Variants in SMARCA4 observed in about 807,000 individuals in gnomAD.
SMARCA4 encodes SWI/SNF related BAF chromatin remodeling complex subunit ATPase 4.
SMARCA4 carries 31 observed loss-of-function variants against 193.9 expected under a neutral mutation model. The ratio of observed to expected loss-of-function variants is 0.16; its 90% CI spans 0.12 to 0.22. The LOEUF (loss-of-function observed/expected upper bound fraction) is 0.22, where lower values mean the gene tolerates loss of function less well. Ranked by LOEUF, SMARCA4 falls within the 10% of genes least tolerant of loss-of-function variation. The pLI is 1.00. For missense variants in SMARCA4, 1,148 were observed against 2,296.0 expected (o/e 0.50, Z 10.22); for synonymous variants, 942 against 933.1 (o/e 1.01, Z -0.17).
chr19:11,010,589 A>G, intron 15 of SMARCA4, 58 bp downstream of exon 15: 2 of 1,568,656 alleles, frequency 1.3e-6, no homozygotes, highest in East Asian at 2.2e-5. Context: ...AGGTGTTCCC[A>G]GGTGGTGCGG....
At chr19:11,056,485 G>T (rs1013181590) in intron 30 of SMARCA4, 3 of 152,280 alleles carry the variant, frequency 2.0e-5, no homozygotes, top group Non-Finnish European at 2.9e-5. Context: ...GTTGGGGAAG[G>T]ACACTCCTGG....
intron 14 of SMARCA4, among the ~76,000 whole-genome samples, chr19:11,010,032 G>A (rs544668235): frequency 2.6e-5 from 4 of 152,064 alleles, no homozygotes; most frequent in Admixed American, 2.6e-4. Context: ...CACCATGTTG[G>A]CCAGGCTGGT....
chr19:11,022,110 C>G, intron 19 of SMARCA4, 143 bp downstream of exon 19: 2 of 1,307,896 alleles, frequency 1.5e-6, no homozygotes, highest in Non-Finnish European at 2.2e-6. Flanking sequence ...AGCAGGGGAG[C>G]CCTGGAACCC....
At chr19:11,013,138 C>G in intron 16 of SMARCA4, 26 bp downstream of exon 16, 2 of 1,612,340 alleles carry the variant, frequency 1.2e-6, no homozygotes, top group Non-Finnish European at 1.7e-6. Flanking sequence ...CAGCAACATC[C>G]CACACGCCGC....
At chr19:11,042,076 C>G (rs189828033) in intron 30 of SMARCA4, among the ~76,000 whole-genome samples, 1 of 152,322 alleles carries the variant, frequency 6.6e-6, no homozygotes, top group African/African-American at 2.4e-5. Context: ...CCTGTGCCAT[C>G]TCTGTGTTGG....
intron 23 of SMARCA4, among the ~76,000 whole-genome samples, chr19:11,027,577 C>G (rs1280799172): frequency 6.6e-6 from 1 of 152,212 alleles, no homozygotes; most frequent in Non-Finnish European, 1.5e-5. Context: ...TGATACGCCT[C>G]CCCAGCGAGG....
rs1487948112 is a variant in SMARCA4, at chr19:11,013,043, T to C, written c.2369T>C (p.Ile790Thr). The change falls in exon 16 of 35, where the codon ATC (isoleucine) becomes ACC (threonine). Residue 790 changes from isoleucine (I) to threonine (T), a missense_variant. Coordinates refer to ENST00000344626, the MANE Select transcript of SMARCA4 (RefSeq NM_003072.5). ...GGCCTGGGGAAGACCATCCAGACCA[T>C]CGCGCTCATCACGTACCTCATGGAG... ...EMGLGKTIQT[I>T]ALITYLMEHK... The C allele has an allele frequency of 6.2e-7, 1 of 1,614,138 alleles. No homozygotes were observed. The highest frequency in any genetic ancestry group is 1.7e-5 in the Admixed American group (1 of 60,020).
rs2145848371 is a variant in SMARCA4, at chr19:10,989,375, G to C, written c.1177G>C (p.Ala393Pro). The change falls in exon 7 of 35, where the codon GCC becomes CCC. Residue 393 changes from alanine (A) to proline (P), a missense_variant. Physicochemically the swap from Ala to Pro is conservative, Grantham distance 27 (BLOSUM62 -1). Coordinates refer to ENST00000344626, the MANE Select transcript of SMARCA4 (RefSeq NM_003072.5). ...ACTTGAAAACCTTCCCGGGTCCCTG[G>C]CCGGGGATTTGCGAACCAAAGCGAC... ...QELENLPGSL[A>P]GDLRTKATIE... 1 of 1,614,164 alleles carries C rather than the reference G, an allele frequency of 6.2e-7. No homozygotes were observed.
intron 11 of SMARCA4, 93 bp from the exon 12 acceptor site, chr19:11,002,936 A>G (rs113260037): frequency 1.4e-6 from 2 of 1,445,426 alleles, no homozygotes; most frequent in South Asian, 1.2e-5. Flanking sequence ...TTTCTGTGCA[A>G]ACAGTTGAGT....
intron 20 of SMARCA4, among the ~76,000 whole-genome samples, 193 bp from the exon 21 acceptor site, chr19:11,024,138 C>T (rs1054228364): frequency 1.1e-4 from 17 of 152,210 alleles, no homozygotes; most frequent in Non-Finnish European, 1.8e-4. Flanking sequence ...TCTGGTATCT[C>T]TGCCTGGTGC....
chr19:11,055,926 C>T (rs974058182), intron 30 of SMARCA4, among the ~76,000 whole-genome samples: 1 of 151,780 alleles, frequency 6.6e-6, no homozygotes, highest in African/African-American at 2.4e-5. Context: ...GCAAAGCGCG[C>T]TGCTTTTCAT....
intron 8 of SMARCA4, among the ~76,000 whole-genome samples, chr19:10,993,308 C>G (rs558809371): frequency 6.6e-6 from 1 of 152,300 alleles, no homozygotes; most frequent in South Asian, 2.1e-4. Context: ...TTTTAAGTAT[C>G]ATGGAAACAT....
intron 1 of SMARCA4, among the ~76,000 whole-genome samples, chr19:10,978,856 C>T (rs910034692): frequency 6.6e-5 from 10 of 151,800 alleles, no homozygotes; most frequent in Admixed American, 5.3e-4. Context: ...AGCTGAGGCA[C>T]GATAATCGCT....
intron 11 of SMARCA4, among the ~76,000 whole-genome samples, chr19:11,000,249 A>T (rs1310087309): frequency 1.3e-5 from 2 of 148,762 alleles, no homozygotes; most frequent in African/African-American, 5.0e-5. Flanking sequence ...AAAAGAAGTT[A>T]CTTTGGACCA....
Position 11,003,022 on chromosome 19 carries a change from T to C in SMARCA4, c.1813-7T>C, listed in dbSNP as rs1308078800. The C allele has an allele frequency of 1.7e-5, 27 of 1,613,896 alleles. No homozygotes were observed. The highest frequency in any genetic ancestry group is 2.7e-5 in the African/African-American group (2 of 74,918). On this transcript the variant is annotated splice_region_variant and splice_polypyrimidine_tract_variant and intron_variant, in intron 11 of 34. Coordinates refer to ENST00000344626, the MANE Select transcript of SMARCA4 (RefSeq NM_003072.5). Reference sequence around the variant, plus strand: ...ACCTCAGTGTCACACGAATGACTCTTTTTCAGCCTCTGGACGAGACCAGCC... The same window carrying C: ...ACCTCAGTGTCACACGAATGACTCTCTTTCAGCCTCTGGACGAGACCAGCC...
Position 11,041,384 on chromosome 19 carries a change from C to T in SMARCA4, c.4248C>T (p.Asp1416=), listed in dbSNP as rs1060504433. The T allele has an allele frequency of 1.9e-6, 3 of 1,612,694 alleles. No homozygotes were observed. The highest frequency in any genetic ancestry group is 1.7e-6 in the Non-Finnish European group (2 of 1,180,010). The change falls in exon 30 of 35, where the codon GAC becomes GAT. Residue 1416 remains aspartate (D), a synonymous_variant. Transcript: ENST00000344626. This position sits in a 1 kb window ranked among gnomAD's most constrained non-coding sequence, Gnocchi z 5.6. ...QKKSSRKRKR[D]SDAGSSTPTT... ...AATCATCACGGAAGCGCAAGCGAGA[C>T]AGCGACGCCGGCTCCTCCACCCCGA...
intron 13 of SMARCA4, among the ~76,000 whole-genome samples, chr19:11,004,583 G>T (rs924873552): frequency 6.6e-6 from 1 of 152,126 alleles, no homozygotes; most frequent in African/African-American, 2.4e-5. Flanking sequence ...ACCCTCTTAT[G>T]ATTATTGTTC....
Position 11,034,027 on chromosome 19 carries a change from C to G in SMARCA4, c.3874-96C>G, listed in dbSNP as rs1848854525. On this transcript the variant is annotated intron_variant, in intron 27 of 34. Transcript: ENST00000344626. This position sits in a 1 kb window ranked among gnomAD's most constrained non-coding sequence, Gnocchi z 7.0. The stretch of plus-strand genomic sequence containing the variant: ...TCCACCGCAGCCGTGCCGGGACCAC[C>G]AGCTCATTCCCACGGACGCCGCCGC... 4.3e-6 allele frequency: 4 copies of G among 923,818 alleles called. No homozygotes were observed. The highest frequency in any genetic ancestry group is 7.2e-6 in the Non-Finnish European group (4 of 555,236). 57.2% of individuals were successfully genotyped at this position (923,818 alleles called of 1,614,324 possible). A position where few individuals can be genotyped will look rare whatever the true frequency, so the allele number is the denominator to read the frequency against.
rs758527008 is a variant in SMARCA4 at position 10,984,408 on chromosome 19, C to A, written c.222+35C>A. 7.7e-6 allele frequency: 12 copies of A among 1,553,772 alleles called. No individual in the cohort carries two copies. The South Asian group carries it at 1.4e-4, about 18-fold the overall frequency. ...CCTGTGCCCGCCTCGCACCTGCGGC[C>A]TCTGCCCACTAGGGCTGCAGGCAGC... On this transcript the variant is annotated intron_variant, in intron 2 of 34. Coordinates refer to ENST00000344626, the MANE Select transcript of SMARCA4 (RefSeq NM_003072.5). The surrounding 1 kb of genome is among the most constrained non-coding windows in gnomAD (Gnocchi z 4.3).
Sources: allele counts gnomAD v4.1 joint callset (sites outside exome capture counted in the v4.1 genomes callset), GRCh38; gene constraint gnomAD v4.1.1; non-coding constraint Gnocchi (gnomAD v3.1); transcripts MANE v1.5; gene names NCBI Gene and HGNC (gene_info 2026-07-23, HGNC 2026-07-21).